The following CDH4 variants were observed in gnomAD, a reference collection of about 807,000 sequenced individuals.
The protein encoded by CDH4 is cadherin 4.
In CDH4, 33 loss-of-function variants were observed where a neutral mutation model predicts 86.0. The observed-to-expected ratio is 0.38, with a 90% CI of 0.29 to 0.51. The LOEUF is 0.51. Among genes scored for constraint, CDH4 ranks in the 20% least tolerant of loss-of-function variants. The probability of loss-of-function intolerance (pLI) is 0.86; values close to 1 mark genes in which losing one functional copy is unlikely to be tolerated. For missense variants in CDH4, 1,114 were observed against 1,307.4 expected, an observed-to-expected ratio of 0.85 and a Z score of 2.28; for synonymous variants, 555 against 549.4, an observed-to-expected ratio of 1.01 and a Z score of -0.14.
rs567390771 is a variant in CDH4, at chr20:61,843,176, C to T, written c.577-1492C>T. ...GCTTAAAGCCAGAAGTTCGGCCAGGCGCGGTGGCTCACGCCTGTAATCCCA... is the reference window on the plus strand; with the variant it reads ...GCTTAAAGCCAGAAGTTCGGCCAGGTGCGGTGGCTCACGCCTGTAATCCCA... On this transcript the variant is annotated intron_variant, in intron 4 of 15. Coordinates refer to ENST00000614565, the MANE Select transcript of CDH4 (RefSeq NM_001794.5). 1.8e-4 allele frequency among the ~76,000 whole-genome samples: 28 copies of T among 151,382 alleles called. No individual in the cohort carries two copies. The South Asian group carries it at 3.5e-3, about 19-fold the overall frequency.
At chr20:61,267,932 C>T (rs187430741) in intron 2 of CDH4, among the ~76,000 whole-genome samples, 42 of 152,338 alleles carry the variant, frequency 2.8e-4, no homozygotes, top group African/African-American at 9.4e-4. Flanking sequence ...GCTGAGGGTT[C>T]GCACACAGCT....
intron 2 of CDH4, among the ~76,000 whole-genome samples, chr20:61,296,408 C>T (rs2084355180): frequency 6.6e-6 from 1 of 151,808 alleles, no homozygotes; most frequent in Non-Finnish European, 1.5e-5. Flanking sequence ...GCCATGCTTG[C>T]ACAGAATACA....
intron 2 of CDH4, among the ~76,000 whole-genome samples, chr20:61,575,344 G>T (rs6121701): frequency 0.058 from 8,826 of 152,196 alleles, 528 homozygotes; most frequent in African/African-American, 0.15. Context: ...TAATCCCAGG[G>T]TATATACTTA....
intron 2 of CDH4, among the ~76,000 whole-genome samples, chr20:61,346,229 G>A (rs1036586309): frequency 1.3e-5 from 2 of 152,090 alleles, no homozygotes; most frequent in African/African-American, 2.4e-5. Context: ...CAGAGGCAGG[G>A]GACTGAGACC....
intron 2 of CDH4, among the ~76,000 whole-genome samples, chr20:61,333,567 C>G (rs1299550012): frequency 1.3e-5 from 2 of 152,288 alleles, no homozygotes; most frequent in South Asian, 2.1e-4. Flanking sequence ...GTACAGGGAG[C>G]TACCCTGTAG....
intron 4 of CDH4, among the ~76,000 whole-genome samples, chr20:61,795,108 A>G (rs867260592): frequency 0.1 from 13,645 of 132,666 alleles, 1,055 homozygotes; most frequent in East Asian, 0.17. Context: ...GATGGTGATG[A>G]TGGTGGTGAT....
At chr20:61,454,601 AT>A in intron 2 of CDH4, among the ~76,000 whole-genome samples, 1 of 152,196 alleles carries the variant, frequency 6.6e-6, no homozygotes, top group East Asian at 1.9e-4. Flanking sequence ...GCCTGCCACC[AT>A]AGCCAGCTAA....
chr20:61,523,918 T>C (rs1049295013), intron 2 of CDH4, among the ~76,000 whole-genome samples: 21 of 152,258 alleles, frequency 1.4e-4, no homozygotes, highest in Admixed American at 1.1e-3. Flanking sequence ...AGCTATTTGA[T>C]GGACAACACC....
intron 9 of CDH4, among the ~76,000 whole-genome samples, chr20:61,916,165 C>T (rs1189195557): frequency 4.1e-5 from 5 of 121,572 alleles, no homozygotes; most frequent in Admixed American, 9.6e-5. Flanking sequence ...CATTCTCTTT[C>T]GGAGCAGGGG....
At chr20:61,463,792 G>T (rs930606014) in intron 2 of CDH4, among the ~76,000 whole-genome samples, 1 of 152,192 alleles carries the variant, frequency 6.6e-6, no homozygotes, top group Non-Finnish European at 1.5e-5. Flanking sequence ...AAGGCGGGAG[G>T]GATATTCAGC....
intron 2 of CDH4, chr20:61,738,783 A>T (rs2088297137): frequency 6.6e-6 from 1 of 151,788 alleles, no homozygotes; most frequent in African/African-American, 2.4e-5. Context: ...GAAGTCGGGC[A>T]GCAAACCCCG....
At chr20:61,662,120 C>T (rs934176253) in intron 2 of CDH4, among the ~76,000 whole-genome samples, 1 of 152,200 alleles carries the variant, frequency 6.6e-6, no homozygotes, top group Non-Finnish European at 1.5e-5. Context: ...ACCACAGGCA[C>T]AGACCTCCCC....
At position 61,417,900 on chromosome 20, in the gene CDH4, A is replaced by G. The variant is rs1298803251; in HGVS notation, c.169+162963A>G. Among the ~76,000 whole-genome samples the G allele has an allele frequency of 1.3e-5, 2 of 152,036 alleles. No homozygotes were observed. Among genetic ancestry groups the G allele is most frequent in the Non-Finnish European group, 2.9e-5 (2 of 68,012 alleles). ...CAGGGCCCTTCATGCTCAGAGGCCCACTTGGAAGAGATGGAGCCTCCCATC... is the reference window on the plus strand; with the variant it reads ...CAGGGCCCTTCATGCTCAGAGGCCCGCTTGGAAGAGATGGAGCCTCCCATC... On this transcript the variant is annotated intron_variant, in intron 2 of 15. Coordinates refer to ENST00000614565, the MANE Select transcript of CDH4 (RefSeq NM_001794.5). The surrounding 1 kb of genome is among the most constrained non-coding windows in gnomAD (Gnocchi z 4.0).
intron 2 of CDH4, among the ~76,000 whole-genome samples, chr20:61,396,075 C>T (rs2085015073): frequency 6.6e-6 from 1 of 152,202 alleles, no homozygotes; most frequent in South Asian, 2.1e-4. Flanking sequence ...TTTATTGGCG[C>T]TCAGGCCCAT....
intron 3 of CDH4, among the ~76,000 whole-genome samples, chr20:61,744,449 G>A (rs1192449661): frequency 7.0e-5 from 5 of 70,972 alleles, no homozygotes; most frequent in South Asian, 5.8e-4. Context: ...AGGAAGAGAG[G>A]GAGAGAGAGA....
chr20:61,544,608 C>T lies in CDH4; in HGVS notation c.170-198955C>T, dbSNP rs955803438. ...CATGACCGTGTGTGATGGGATGTGC[C>T]GGGGGCAGACAGGGCCCACCAGACC... On this transcript the variant is annotated intron_variant, in intron 2 of 15. Coordinates refer to ENST00000614565, the MANE Select transcript of CDH4 (RefSeq NM_001794.5). This position sits in a 1 kb window ranked among gnomAD's most constrained non-coding sequence, Gnocchi z 6.5. Among the ~76,000 whole-genome samples, 5 of 151,956 alleles carry T rather than the reference C, an allele frequency of 3.3e-5. No individual in the cohort carries two copies. The highest frequency in any genetic ancestry group is 4.8e-5 in the African/African-American group (2 of 41,366).
intron 8 of CDH4, among the ~76,000 whole-genome samples, chr20:61,901,964 C>T (rs1207788662): frequency 1.3e-5 from 2 of 152,176 alleles, no homozygotes; most frequent in African/African-American, 2.4e-5. Context: ...GATATTGACT[C>T]ACCGCCACTA....
intron 2 of CDH4, among the ~76,000 whole-genome samples, chr20:61,655,902 G>C (rs1167370047): frequency 1.3e-5 from 2 of 152,214 alleles, no homozygotes; most frequent in African/African-American, 2.4e-5. Context: ...GAGCTCCAAG[G>C]CTGCATGTGC....
At chr20:61,305,184 G>A (rs1285135990) in intron 2 of CDH4, among the ~76,000 whole-genome samples, 3 of 152,174 alleles carry the variant, frequency 2.0e-5, no homozygotes, top group Non-Finnish European at 4.4e-5. Context: ...GTCCGTAAGT[G>A]TGTGTTTCGG....
Sources: gnomAD v4.1 joint callset for allele counts (sites outside exome capture counted in the v4.1 genomes callset) on GRCh38, gnomAD v4.1.1 for gene constraint, Gnocchi (gnomAD v3.1) non-coding constraint, MANE v1.5 for transcripts, NCBI Gene and HGNC (gene_info 2026-07-23, HGNC 2026-07-21) for gene names.